Variants in GRID2 observed in about 807,000 individuals in gnomAD.
The protein encoded by GRID2 is glutamate receptor ionotropic, delta-2.
A neutral mutation model predicts 114.8 loss-of-function variants in GRID2; 33 were observed. The ratio of observed to expected loss-of-function variants is 0.29; its 90% CI spans 0.22 to 0.38. The LOEUF is 0.38. GRID2 is among the 10% of genes least tolerant of loss of function. GRID2 has a pLI of 1.00. For missense variants in GRID2, 1,184 were observed against 1,257.7 expected (o/e 0.94, Z 0.89); for synonymous variants, 505 against 449.9 (o/e 1.12, Z -1.55).
intron 2 of GRID2, among the ~76,000 whole-genome samples, chr4:92,825,316 CA>C (rs1224654338): frequency 1.3e-5 from 2 of 152,080 alleles, no homozygotes; most frequent in Admixed American, 6.6e-5. Flanking sequence ...GAGAAGAATC[CA>C]GACTGAACTT....
At chr4:93,018,627 C>T (rs1168793005) in intron 2 of GRID2, among the ~76,000 whole-genome samples, 3 of 152,016 alleles carry the variant, frequency 2.0e-5, no homozygotes, top group African/African-American at 7.2e-5. Context: ...ACAAAGAATA[C>T]TCAAAATTGA....
At chr4:92,939,161 A>C (rs2149532071) in intron 2 of GRID2, among the ~76,000 whole-genome samples, 1 of 147,518 alleles carries the variant, frequency 6.8e-6, no homozygotes, top group African/African-American at 2.4e-5. Flanking sequence ...CAATGGTTGA[A>C]CTAGTTTACA....
At chr4:92,596,086 C>T (rs1392886800) in intron 2 of GRID2, among the ~76,000 whole-genome samples, 1 of 152,134 alleles carries the variant, frequency 6.6e-6, no homozygotes, top group Non-Finnish European at 1.5e-5. Flanking sequence ...ACCCCAACAG[C>T]CTGTGTTTCC....
chr4:92,489,844 T>TA (rs34912004), intron 1 of GRID2, among the ~76,000 whole-genome samples: 6,729 of 132,612 alleles, frequency 0.051, 166 homozygotes, highest in Middle Eastern at 0.091. Flanking sequence ...AGACTCCATT[T>TA]AAAAAAAAAA....
chr4:93,198,098 C>G (rs1271881803), intron 4 of GRID2, among the ~76,000 whole-genome samples: 4 of 151,966 alleles, frequency 2.6e-5, no homozygotes, highest in Admixed American at 2.0e-4. Context: ...TTTCCGCAAG[C>G]AACATTTAGG....
At chr4:92,956,011 G>A (rs910123009) in intron 2 of GRID2, among the ~76,000 whole-genome samples, 10 of 152,118 alleles carry the variant, frequency 6.6e-5, no homozygotes, top group Non-Finnish European at 1.0e-4. Flanking sequence ...GAGCCACTGC[G>A]CCTGGACTTT....
chr4:93,567,897 G>A (rs1452812339), intron 13 of GRID2, among the ~76,000 whole-genome samples: 2 of 152,178 alleles, frequency 1.3e-5, no homozygotes, highest in Admixed American at 6.5e-5. Flanking sequence ...CTTACCTTCT[G>A]GAAGTTAGCT....
At chr4:93,185,795 G>A (rs1006744513) in intron 4 of GRID2, among the ~76,000 whole-genome samples, 12 of 151,950 alleles carry the variant, frequency 7.9e-5, no homozygotes, top group South Asian at 4.1e-4. Flanking sequence ...TGTGCACTAC[G>A]TGCAGGTTTG....
At chr4:93,291,190 T>TTTTTTTTTTTTTTTTTTTTTTTTTTTGAG in intron 8 of GRID2, among the ~76,000 whole-genome samples, 1 of 152,028 alleles carries the variant, frequency 6.6e-6, no homozygotes, top group Non-Finnish European at 1.5e-5. Context: ...AAGTAATTTT[T>TTTTTTTTTTTTTTTTTTTTTTTTTTTGAG]AAAATATTTT....
chr4:92,356,646 A>T (rs763664392), intron 1 of GRID2, among the ~76,000 whole-genome samples: 10 of 151,776 alleles, frequency 6.6e-5, no homozygotes, highest in Non-Finnish European at 1.2e-4. Context: ...TTATGCATGT[A>T]TATATATCAT....
intron 2 of GRID2, among the ~76,000 whole-genome samples, chr4:92,753,475 G>C (rs781063282): frequency 3.9e-5 from 6 of 152,178 alleles, no homozygotes; most frequent in Non-Finnish European, 5.9e-5. Context: ...CTTACTAAAA[G>C]CATCCTTATG....
Position 93,026,641 on chromosome 4 carries a change from G to A in GRID2, c.245-58354G>A, listed in dbSNP as rs187136711. 1.4e-3 allele frequency among the ~76,000 whole-genome samples: 212 copies of A among 151,716 alleles called. 1 individual carries two copies. Among genetic ancestry groups the A allele is most frequent in the African/African-American group, 5.0e-3 (209 of 41,476 alleles). On this transcript the variant is annotated intron_variant, in intron 2 of 15. Coordinates refer to ENST00000282020, the MANE Select transcript of GRID2 (RefSeq NM_001510.4). ...TTAATAATTTGGAGTGCATTTGTGAGGTGTGCGTGTGTGTGTATTTTTCAG... is the reference window on the plus strand; with the variant it reads ...TTAATAATTTGGAGTGCATTTGTGAAGTGTGCGTGTGTGTGTATTTTTCAG...
chr4:93,679,006 C>T (rs1182426754), intron 14 of GRID2, among the ~76,000 whole-genome samples: 3 of 151,114 alleles, frequency 2.0e-5, no homozygotes, highest in Admixed American at 2.0e-4. Flanking sequence ...AGTCAAGACC[C>T]ATCAGTGTGC....
At chr4:93,177,175 C>A (rs1189121321) in intron 4 of GRID2, among the ~76,000 whole-genome samples, 1 of 151,980 alleles carries the variant, frequency 6.6e-6, no homozygotes, top group Non-Finnish European at 1.5e-5. Flanking sequence ...TTAAGTGGGA[C>A]AAAATCCCTG....
chr4:92,467,262 A>C (rs1721804262), intron 1 of GRID2, among the ~76,000 whole-genome samples: 1 of 151,966 alleles, frequency 6.6e-6, no homozygotes, highest in African/African-American at 2.4e-5. Flanking sequence ...GTTGAAAAGC[A>C]ACTGGGTTAT....
chr4:92,742,955 C>T (rs1736965570), intron 2 of GRID2, among the ~76,000 whole-genome samples: 1 of 152,094 alleles, frequency 6.6e-6, no homozygotes, highest in South Asian at 2.1e-4. Flanking sequence ...TATTCCATTA[C>T]AGACTAGTCT....
intron 2 of GRID2, among the ~76,000 whole-genome samples, chr4:92,783,596 A>G (rs1369204676): frequency 3.3e-5 from 5 of 152,054 alleles, no homozygotes; most frequent in Non-Finnish European, 7.4e-5. Flanking sequence ...AAACAAATAC[A>G]CAAAAGGCCA....
chr4:93,437,175 C>T (rs1721170175), intron 10 of GRID2, among the ~76,000 whole-genome samples: 2 of 152,084 alleles, frequency 1.3e-5, no homozygotes, highest in Admixed American at 1.3e-4. Flanking sequence ...TTACTTATTC[C>T]TGACACAGTC....
chr4:93,304,601 G>A lies in GRID2; in HGVS notation c.1245+66111G>A, dbSNP rs947240921. ...TTTCAGCAAAAGAACATTGTTTTGT[G>A]TACTTTAACACACACTACAAGGAAT... On this transcript the variant is annotated intron_variant, in intron 8 of 15. Transcript: ENST00000282020. Among the ~76,000 whole-genome samples the A allele has an allele frequency of 2.0e-5, 3 of 152,148 alleles. No individual in the cohort carries two copies. In the East Asian group the frequency reaches 5.8e-4, roughly 29 times the overall value.
Sources: allele counts gnomAD v4.1 joint callset (sites outside exome capture counted in the v4.1 genomes callset), GRCh38; gene constraint gnomAD v4.1.1; transcripts MANE v1.5; gene names NCBI Gene and HGNC (gene_info 2026-07-23, HGNC 2026-07-21).